HERC2: variants seen among roughly 807,000 people sequenced by gnomAD.
HERC2 encodes HECT and RLD domain containing E3 ubiquitin protein ligase 2.
Under a neutral mutation model 537.7 loss-of-function variants are expected in HERC2, and 102 were observed. The observed-to-expected ratio is 0.19, with a 90% CI of 0.16 to 0.22. The LOEUF (loss-of-function observed/expected upper bound fraction) is 0.22. HERC2 is among the 10% of genes least tolerant of loss of function. The pLI is 1.00. For synonymous variants in HERC2, 2,224 were observed against 2,466.2 expected, an observed-to-expected ratio of 0.90 and a Z score of 2.91; for missense variants, 4,236 against 6,198.2, an observed-to-expected ratio of 0.68 and a Z score of 10.63.
intron 84 of HERC2, 132 bp downstream of exon 84, chr15:28,124,874 T>C: frequency 1.1e-6 from 1 of 938,492 alleles, no homozygotes; most frequent in Non-Finnish European, 1.6e-6. Context: ...TTAAATGCAC[T>C]GTGTGGTTAA....
At chr15:28,189,090 AAAAAG>A (rs1195810637) in intron 55 of HERC2, among the ~76,000 whole-genome samples, 4 of 152,180 alleles carry the variant, frequency 2.6e-5, no homozygotes, top group Non-Finnish European at 5.9e-5. Context: ...CAGTCTCAAA[AAAAAG>A]AAAAGAAAAT....
rs1034663334 is a variant in HERC2, at chr15:28,145,604, C to T, written c.11008+633G>A. On this transcript the variant is annotated intron_variant, in intron 71 of 92. Transcript: ENST00000261609. Reference sequence around the variant, plus strand: ...AAGTTTTCCTGGGACACAGCCACGCCCATTCTCTGGCATCCAGTCTGCATG... The same window carrying T: ...AAGTTTTCCTGGGACACAGCCACGCTCATTCTCTGGCATCCAGTCTGCATG... Among the ~76,000 whole-genome samples the T allele has an allele frequency of 2.0e-5, 3 of 152,250 alleles. No individual in the cohort carries two copies. In the East Asian group the frequency reaches 5.8e-4, roughly 29 times the overall value.
rs1161105762 is a variant in HERC2 at position 28,191,054 on chromosome 15, C to T, written c.8560G>A (p.Gly2854Arg). 1 of 1,609,914 alleles carries T rather than the reference C, an allele frequency of 6.2e-7. No homozygotes were observed. The highest frequency in any genetic ancestry group is 1.7e-5 in the Admixed American group (1 of 59,938). ...TCAATAAGGTTATTCAGGGAATTTC[C>T]ACCTAGGAAAAAATGGGTAAAGAAT... ...YMPSLVVVSG[G>R]NSLNNLIELK... is the part of the protein sequence containing the mutation. The change falls in exon 55 of 93, where the codon GGA (glycine) becomes AGA (arginine). Residue 2854 changes from glycine (G) to arginine (R), a missense_variant and splice_region_variant. Physicochemically the swap from Gly to Arg is moderately radical, Grantham distance 125. Coordinates refer to ENST00000261609, the MANE Select transcript of HERC2 (RefSeq NM_004667.6).
chr15:28,116,759 G>C lies in HERC2; in HGVS notation c.13515C>G (p.Pro4505=), dbSNP rs1888302386. 1.2e-6 allele frequency: 2 copies of C among 1,614,060 alleles called. No individual in the cohort carries two copies. The highest frequency in any genetic ancestry group is 1.7e-6 in the Non-Finnish European group (2 of 1,180,030). The change falls in exon 88 of 93, where the codon CCC becomes CCG. Residue 4505 remains proline, a synonymous_variant. Transcript: ENST00000261609. ...NGLTPLLIVT[P]NGRDESGANR... ...TGGCCCCAGACTCATCCCTCCCGTT[G>C]GGTGTCACGATCAGCAGGGGCGTGA...
At chr15:28,203,402 G>A (rs1306762565) in intron 45 of HERC2, 1 of 151,666 alleles carries the variant, frequency 6.6e-6, no homozygotes, top group Non-Finnish European at 1.5e-5. Context: ...CGAAGTCTGG[G>A]TAACTTGGAA....
At chr15:28,183,990 C>G (rs1018216364) in intron 56 of HERC2, among the ~76,000 whole-genome samples, 1 of 151,984 alleles carries the variant, frequency 6.6e-6, no homozygotes, top group African/African-American at 2.4e-5. Context: ...GAGTTGGAGA[C>G]CAGCCTGGGC....
chr15:28,310,806 G>A (rs1354871607), intron 2 of HERC2, among the ~76,000 whole-genome samples: 2 of 152,128 alleles, frequency 1.3e-5, no homozygotes, highest in Non-Finnish European at 2.9e-5. Context: ...GGCCACGCAC[G>A]GTGGCTGACG....
Position 28,191,948 on chromosome 15 carries a change from T to G in HERC2, c.8451+13A>C, listed in dbSNP as rs773233471. 3.7e-6 allele frequency: 6 copies of G among 1,610,460 alleles called. No homozygotes were observed. The highest frequency in any genetic ancestry group is 3.4e-6 in the Non-Finnish European group (4 of 1,178,464). On this transcript the variant is annotated intron_variant, in intron 53 of 92. Transcript: ENST00000261609. ...TGTGAAAGTGCCCGCTGCTGTGCCC[T>G]ATTAGATGCTACCTTTCCTTGCGAC...
Position 28,274,966 on chromosome 15 carries a change from T to A in HERC2, c.582A>T (p.Arg194Ser). ...AAGACAGCGCCGCTCGGGATCCCAC[T>A]CTGGCGAGCCCCTCCACACCTTTGC... ...PAGKGVEGLA[R>S]VGSRAALSFA... The change falls in exon 6 of 93, where the codon AGA (arginine) becomes AGT (serine). Residue 194 changes from arginine (R) to serine (S), a missense_variant. Physicochemically the swap from Arg to Ser is moderately radical, Grantham distance 110 (BLOSUM62 -1). Around this residue, in one of 27 missense-constraint regions of HERC2, gnomAD observed 491 missense variants for 559.3 expected, o/e 0.88. Transcript: ENST00000261609. 6.2e-7 allele frequency: 1 copy of A among 1,609,374 alleles called. No individual in the cohort carries two copies. The highest frequency in any genetic ancestry group is 8.5e-7 in the Non-Finnish European group (1 of 1,179,936).
At chr15:28,140,153 A>G (rs1044755618) in intron 78 of HERC2, among the ~76,000 whole-genome samples, 2 of 152,052 alleles carry the variant, frequency 1.3e-5, no homozygotes, top group Admixed American at 1.3e-4. Context: ...ATCAGTGTCC[A>G]CTGTTGACTA....
intron 74 of HERC2, among the ~76,000 whole-genome samples, 192 bp downstream of exon 74, chr15:28,143,681 C>T (rs1315751265): frequency 1.3e-5 from 2 of 152,016 alleles, no homozygotes; most frequent in African/African-American, 2.4e-5. Flanking sequence ...CTCCTGACCT[C>T]GTGATCCGCC....
At chr15:28,197,285 C>T (rs181244209) in intron 50 of HERC2, among the ~76,000 whole-genome samples, 3 of 152,180 alleles carry the variant, frequency 2.0e-5, no homozygotes, top group Non-Finnish European at 4.4e-5. Flanking sequence ...TATACACATA[C>T]TTATTTCTCA....
chr15:28,260,693 T>C, intron 16 of HERC2, 84 bp downstream of exon 16: 1 of 1,103,078 alleles, frequency 9.1e-7, no homozygotes, highest in Non-Finnish European at 1.3e-6. Context: ...CAAACAAAAC[T>C]CAGTGGTATT....
Position 28,113,861 on chromosome 15 carries a change from G to C in HERC2, c.13914-183C>G. 6.4e-6 allele frequency: 4 copies of C among 628,024 alleles called. No homozygotes were observed. The highest frequency in any genetic ancestry group is 5.5e-5 in the South Asian group (3 of 54,572). 38.9% of individuals were successfully genotyped at this position (628,024 alleles called of 1,614,324 possible). On this transcript the variant is annotated intron_variant, in intron 90 of 92. Coordinates refer to ENST00000261609, the MANE Select transcript of HERC2 (RefSeq NM_004667.6). This position sits in a 1 kb window ranked among gnomAD's most constrained non-coding sequence, Gnocchi z 7.0. ...CACTGCAGAGCTTCTCCTGACACTG[G>C]GCTCATCTCGTCCAGCCGACAGGGT... is the stretch of plus-strand genomic sequence containing the variant.
In HERC2 at chr15:28,218,478, T is replaced by C. The variant is rs563609623; in HGVS notation, c.6028+11A>G. ...GCTGACTCCCTGGGCCCTCGATCTC[T>C]CATTCCATACATGTCTTGTCCGTCG... On this transcript the variant is annotated intron_variant, in intron 38 of 92. Transcript: ENST00000261609. 1 of 1,589,678 alleles carries C rather than the reference T, an allele frequency of 6.3e-7. No individual in the cohort carries two copies. Among genetic ancestry groups the C allele is most frequent in the East Asian group, 2.2e-5 (1 of 44,838 alleles).
intron 26 of HERC2, among the ~76,000 whole-genome samples, chr15:28,236,203 G>A: frequency 6.6e-6 from 1 of 152,100 alleles, no homozygotes. Flanking sequence ...AGACCATGAG[G>A]GCAAATGACA....
At chr15:28,293,553 T>C (rs2076380209) in intron 3 of HERC2, among the ~76,000 whole-genome samples, 1 of 151,672 alleles carries the variant, frequency 6.6e-6, no homozygotes, top group African/African-American at 2.4e-5. Context: ...TCTTCCAAAG[T>C]GATATTCCAT....
intron 69 of HERC2, among the ~76,000 whole-genome samples, chr15:28,156,180 T>C (rs1199438818): frequency 6.6e-6 from 1 of 152,240 alleles, no homozygotes; most frequent in Non-Finnish European, 1.5e-5. Context: ...GTAGTATAGT[T>C]TGAGGTCAGG....
At chr15:28,317,893 T>C (rs1317698564) in intron 2 of HERC2, among the ~76,000 whole-genome samples, 1 of 152,212 alleles carries the variant, frequency 6.6e-6, no homozygotes, top group Non-Finnish European at 1.5e-5. Flanking sequence ...CCTGAGAGTC[T>C]ATTATTATTT....
Sources: allele counts gnomAD v4.1 joint callset (sites outside exome capture counted in the v4.1 genomes callset), GRCh38; gene constraint gnomAD v4.1.1; regional missense constraint gnomAD v4.1.1; non-coding constraint Gnocchi (gnomAD v3.1); transcripts MANE v1.5; gene names NCBI Gene and HGNC (gene_info 2026-07-23, HGNC 2026-07-21).